Variants in AGBL3 observed in about 807,000 individuals in gnomAD.
AGBL3 encodes AGBL carboxypeptidase 3, also known as cytosolic carboxypeptidase 3.
A neutral mutation model predicts 94.5 loss-of-function variants in AGBL3; 68 were observed. That is an observed-to-expected ratio of 0.72 (90% CI 0.59 to 0.88). The LOEUF (loss-of-function observed/expected upper bound fraction) is 0.88, where lower values mean the gene tolerates loss of function less well. AGBL3 is among the 40% of genes least tolerant of loss of function. The probability of loss-of-function intolerance (pLI) is 0.00; values close to 1 mark genes in which losing one functional copy is unlikely to be tolerated. For synonymous variants in AGBL3, 354 were observed against 370.7 expected (o/e 0.95, Z 0.52); for missense variants, 934 against 1,103.8 (o/e 0.85, Z 2.18).
rs180911683 is a variant in AGBL3 at position 135,067,419 on chromosome 7, C to G, written c.1908+8184C>G. The stretch of plus-strand genomic sequence containing the variant: ...GTTCTCACAGCACGCAACTGGAGAT[C>G]TGAGAACGAGCAGACTGCCTCCTCA... On this transcript the variant is annotated intron_variant, in intron 12 of 16. Coordinates refer to ENST00000436302, the MANE Select transcript of AGBL3 (RefSeq NM_178563.4). 2.0e-5 allele frequency among the ~76,000 whole-genome samples: 3 copies of G among 152,350 alleles called. No individual in the cohort carries two copies. The East Asian group carries it at 5.8e-4, about 29-fold the overall frequency.
chr7:135,045,630 C>G, intron 10 of AGBL3, 56 bp downstream of exon 10: 2 of 1,465,032 alleles, frequency 1.4e-6, no homozygotes, highest in Non-Finnish European at 9.4e-7. Context: ...ATAACATAAG[C>G]TGACTATGGG....
At position 135,021,626 on chromosome 7, in the gene AGBL3, T is replaced by C. The variant is rs188074778; in HGVS notation, c.418+4467T>C. ...ACCTATGTTTTATTTTAATTTTTTT[T>C]AATTTTGGAAGATACACAGCATATC... On this transcript the variant is annotated intron_variant, in intron 5 of 16. Coordinates refer to ENST00000436302, the MANE Select transcript of AGBL3 (RefSeq NM_178563.4). Among the ~76,000 whole-genome samples the C allele has an allele frequency of 8.7e-4, 131 of 151,236 alleles. 1 individual carries two copies. The highest frequency in any genetic ancestry group is 3.4e-3 in the Middle Eastern group (1 of 292).
chr7:135,042,933 C>T (rs1817004187), intron 8 of AGBL3, among the ~76,000 whole-genome samples: 3 of 151,910 alleles, frequency 2.0e-5, no homozygotes, highest in Admixed American at 2.0e-4. Flanking sequence ...CAAAAAGATG[C>T]ATAGAATGAA....
intron 16 of AGBL3, among the ~76,000 whole-genome samples, chr7:135,122,378 C>T (rs990465029): frequency 6.6e-5 from 10 of 152,210 alleles, no homozygotes; most frequent in African/African-American, 2.4e-4. Flanking sequence ...AGGGACAGAA[C>T]CCAGATCTCC....
chr7:135,064,758 T>C (rs931599544), intron 12 of AGBL3, among the ~76,000 whole-genome samples: 1 of 152,212 alleles, frequency 6.6e-6, no homozygotes, highest in Non-Finnish European at 1.5e-5. Context: ...AATTTTGTTC[T>C]CTAGCTACTA....
intron 12 of AGBL3, among the ~76,000 whole-genome samples, chr7:135,074,314 CTG>C (rs1820251402): frequency 6.6e-6 from 1 of 152,216 alleles, no homozygotes; most frequent in Non-Finnish European, 1.5e-5. Flanking sequence ...ACAGGATAGA[CTG>C]TGCTGATTGG....
intron 15 of AGBL3, among the ~76,000 whole-genome samples, chr7:135,113,167 T>C (rs1023946670): frequency 6.6e-6 from 1 of 152,240 alleles, no homozygotes; most frequent in East Asian, 1.9e-4. Flanking sequence ...TTGCCAGATA[T>C]TGTAATCATA....
intron 12 of AGBL3, among the ~76,000 whole-genome samples, chr7:135,070,975 C>T: frequency 6.6e-6 from 1 of 151,578 alleles, no homozygotes; most frequent in Non-Finnish European, 1.5e-5. Context: ...ATCTAGAAAA[C>T]CCCATTGTCT....
chr7:135,129,810 T>G, intron 16 of AGBL3: 1 of 510,844 alleles, frequency 2.0e-6, no homozygotes, highest in Admixed American at 3.1e-5. Flanking sequence ...GTGTAGAAGA[T>G]ATGGAAGAAC....
At chr7:134,999,288 C>G (rs4236648) in intron 4 of AGBL3, among the ~76,000 whole-genome samples, 141,808 of 152,244 alleles carry the variant, frequency 0.93, 66,838 homozygotes, top group East Asian at 1. Flanking sequence ...CTGTCAGGAC[C>G]CTTTTATAGT....
intron 13 of AGBL3, among the ~76,000 whole-genome samples, chr7:135,078,690 A>T (rs1023619933): frequency 6.6e-6 from 1 of 152,204 alleles, no homozygotes; most frequent in Non-Finnish European, 1.5e-5. Context: ...TGAAATCATT[A>T]TATTTAATGT....
intron 4 of AGBL3, among the ~76,000 whole-genome samples, chr7:135,003,875 A>G (rs1812047299): frequency 6.6e-6 from 1 of 151,366 alleles, no homozygotes; most frequent in South Asian, 2.1e-4. Flanking sequence ...ATATGTTCCA[A>G]TTATACAGTT....
chr7:135,072,205 C>T (rs186420592), intron 12 of AGBL3, among the ~76,000 whole-genome samples: 6 of 152,096 alleles, frequency 3.9e-5, no homozygotes, highest in Non-Finnish European at 7.4e-5. Flanking sequence ...AAATCAAAAC[C>T]GCAATGAGAT....
chr7:135,036,984 G>C (rs1816375792), intron 7 of AGBL3, among the ~76,000 whole-genome samples: 1 of 151,814 alleles, frequency 6.6e-6, no homozygotes, highest in African/African-American at 2.4e-5. Context: ...TAGTAATGCT[G>C]TCTTCGCTCA....
chr7:135,103,521 A>C (rs1824174989), intron 15 of AGBL3, among the ~76,000 whole-genome samples: 1 of 152,126 alleles, frequency 6.6e-6, no homozygotes, highest in South Asian at 2.1e-4. Context: ...AGCCTACAGG[A>C]GTTTTATCTG....
rs1235135283 is a variant in AGBL3 at position 135,017,126 on chromosome 7, A to G, written c.385A>G (p.Lys129Glu). 3 of 1,550,376 alleles carry G rather than the reference A, an allele frequency of 1.9e-6. No homozygotes were observed. The Admixed American group carries it at 5.9e-5, about 30-fold the overall frequency. ...LETEPLYPDSKEATVVYLAED... is the reference protein window; with the variant it reads ...LETEPLYPDSEEATVVYLAED... ...AACGGAACCCCTTTATCCAGACTCCAAGGAAGCTACTGTGGTTTATCTAGC... is the reference window on the plus strand; with the variant it reads ...AACGGAACCCCTTTATCCAGACTCCGAGGAAGCTACTGTGGTTTATCTAGC... Residue 129 changes from lysine to glutamate, a missense_variant, in exon 5 of 17, where the codon AAG (lysine) becomes GAG (glutamate). Transcript: ENST00000436302.
intron 7 of AGBL3, 25 bp from the exon 8 acceptor site, chr7:135,037,393 A>G: frequency 6.6e-7 from 1 of 1,525,108 alleles, no homozygotes; most frequent in East Asian, 2.5e-5. Context: ...GATAAAAGTT[A>G]GTAACTTATC....
chr7:135,099,415 A>G (rs1823422451), intron 15 of AGBL3, among the ~76,000 whole-genome samples: 1 of 152,230 alleles, frequency 6.6e-6, no homozygotes, highest in Non-Finnish European at 1.5e-5. Flanking sequence ...GATAAGCTCA[A>G]TTAAACTAGC....
intron 16 of AGBL3, among the ~76,000 whole-genome samples, chr7:135,123,353 TA>T (rs930891673): frequency 9.2e-5 from 14 of 151,812 alleles, no homozygotes; most frequent in Non-Finnish European, 1.9e-4. Context: ...GAAAAAAGAA[TA>T]AAAAGGAATC....
Sources: allele counts gnomAD v4.1 joint callset (sites outside exome capture counted in the v4.1 genomes callset), GRCh38; gene constraint gnomAD v4.1.1; transcripts MANE v1.5; gene names NCBI Gene and HGNC (gene_info 2026-07-23, HGNC 2026-07-21).